BACH1: variants seen among roughly 807,000 people sequenced by gnomAD.
BACH1 encodes the protein BTB domain and CNC homolog 1, also known as transcription regulator protein BACH1.
Under a neutral mutation model 52.9 loss-of-function variants are expected in BACH1, and 35 were observed. That is an observed-to-expected ratio of 0.66 (90% CI 0.51 to 0.88). BACH1 has a LOEUF of 0.88. BACH1 is among the 40% of genes least tolerant of loss of function. The pLI is 0.00. For synonymous variants in BACH1, 321 were observed against 319.6 expected, an observed-to-expected ratio of 1.00 and a Z score of -0.05; for missense variants, 808 against 872.6, an observed-to-expected ratio of 0.93 and a Z score of 0.93.
rs766536082 is a variant in BACH1 at position 29,329,601 on chromosome 21, CGAA to C, written c.1692_1694del (p.Arg564del). 9.3e-6 allele frequency: 15 copies of C among 1,605,384 alleles called. No individual in the cohort carries two copies. Among genetic ancestry groups the C allele is most frequent in the South Asian group, 2.2e-5 (2 of 89,200 alleles). On this transcript the variant is annotated inframe_deletion, in exon 4 of 5. Transcript: ENST00000286800. Reference sequence around the variant, plus strand: ...ACAGCTGGATTGTATCCATGATATTCGAAGAAGAAGTAAAAACAGAATTGCTGC... The same window carrying C: ...ACAGCTGGATTGTATCCATGATATTCGAAGAAGTAAAAACAGAATTGCTGC...
chr21:29,327,204 C>T lies in BACH1; in HGVS notation c.1380C>T (p.Asn460=), dbSNP rs754634127. 1.9e-6 allele frequency: 3 copies of T among 1,614,224 alleles called. No individual in the cohort carries two copies. The South Asian group carries it at 3.3e-5, about 18-fold the overall frequency. Residue 460 remains asparagine (N), a synonymous_variant, in exon 3 of 5, where the codon AAC becomes AAT. Transcript: ENST00000286800. ...CTTTCACAACATTAAGTTCTGTCAA[C>T]TGCCCTTTTATAAGTACTCTGAGTA... ...QRTFTTLSSV[N]CPFISTLSTE... is the part of the protein sequence containing the mutation.
intron 2 of BACH1, among the ~76,000 whole-genome samples, chr21:29,360,129 C>T (rs768818879): frequency 1.3e-5 from 2 of 152,176 alleles, no homozygotes; most frequent in Non-Finnish European, 2.9e-5. Flanking sequence ...AACCAATGTA[C>T]CTCTTATGCA....
Position 29,326,104 on chromosome 21 carries a change from G to A in BACH1, c.280G>A (p.Ala94Thr). 1 of 1,613,934 alleles carries A rather than the reference G, an allele frequency of 6.2e-7. No homozygotes were observed. The highest frequency in any genetic ancestry group is 8.5e-7 in the Non-Finnish European group (1 of 1,179,936). ...FEPLIQFAYT[A>T]KLILSKENVD... is the part of the protein sequence containing the mutation. ...ACCTTTAATTCAGTTTGCCTACACTGCTAAACTGATTTTAAGTAAAGAGAA... is the reference window on the plus strand; with the variant it reads ...ACCTTTAATTCAGTTTGCCTACACTACTAAACTGATTTTAAGTAAAGAGAA... Residue 94 changes from alanine to threonine, a missense_variant, in exon 3 of 5, where the codon GCT (alanine) becomes ACT (threonine). Physicochemically the swap from Ala to Thr is moderately conservative, Grantham distance 58. Coordinates refer to ENST00000286800, the MANE Select transcript of BACH1 (RefSeq NM_001186.4).
At position 29,342,396 on chromosome 21, in the gene BACH1, C is replaced by G; in HGVS notation, c.1777-3C>G. ...CATTGTGTTCTCTTTCCCCACTTCA[C>G]AGCAAAGTGAAAAGGAGAGCTTGTT... On this transcript the variant is annotated splice_region_variant and splice_polypyrimidine_tract_variant and intron_variant, in intron 4 of 4. Transcript: ENST00000286800. 1 of 1,610,172 alleles carries G rather than the reference C, an allele frequency of 6.2e-7. No individual in the cohort carries two copies. The highest frequency in any genetic ancestry group is 8.5e-7 in the Non-Finnish European group (1 of 1,177,628).
chr21:29,300,371 C>G (rs1487035270), intron 1 of BACH1, among the ~76,000 whole-genome samples: 25 of 152,318 alleles, frequency 1.6e-4, no homozygotes, highest in Non-Finnish European at 2.9e-5. Flanking sequence ...TGCAAATACT[C>G]TCATCACATG....
At chr21:29,338,967 A>AT (rs898918754) in intron 4 of BACH1, among the ~76,000 whole-genome samples, 7 of 152,150 alleles carry the variant, frequency 4.6e-5, no homozygotes, top group African/African-American at 1.7e-4. Flanking sequence ...TATAGGAAAT[A>AT]TTTTTTCTTA....
chr21:29,306,441 T>TC (rs1376936016), intron 1 of BACH1, among the ~76,000 whole-genome samples: 1 of 151,868 alleles, frequency 6.6e-6, no homozygotes, highest in Non-Finnish European at 1.5e-5. Context: ...TGCTACCTTG[T>TC]CCCTCTCTCC....
downstream of BACH1, among the ~76,000 whole-genome samples, chr21:29,348,223 TAAGA>T (rs1298596400): frequency 2.0e-5 from 3 of 152,182 alleles, no homozygotes; most frequent in African/African-American, 7.2e-5. Flanking sequence ...GAGTTGTCTT[TAAGA>T]GAGTGGTTGT....
chr21:29,323,738 G>A (rs1213280710), intron 2 of BACH1, among the ~76,000 whole-genome samples: 1 of 152,162 alleles, frequency 6.6e-6, no homozygotes, highest in Non-Finnish European at 1.5e-5. Context: ...ATGTTTTCAT[G>A]TACAGATGTA....
At chr21:29,349,509 G>A (rs1479289308), downstream of BACH1, among the ~76,000 whole-genome samples, 1 of 152,154 alleles carries the variant, frequency 6.6e-6, no homozygotes, top group East Asian at 1.9e-4. Flanking sequence ...ACCGGCGGCT[G>A]CTGCCCACAT....
rs770327868 is a variant in BACH1, at chr21:29,351,584, G to A, written c.472+21891G>A. On this transcript the variant is annotated intron_variant, in intron 2 of 4. Transcript: ENST00000422809. ...TGAGCGTTTACTCTGGGCTTTAGAA[G>A]ACCTCATCTATTATGCTCAACATCT... is the stretch of plus-strand genomic sequence containing the variant. 5.6e-6 allele frequency: 3 copies of A among 533,870 alleles called. No homozygotes were observed. The Admixed American group carries it at 5.8e-5, about 10-fold the overall frequency. 33.1% of individuals were successfully genotyped at this position (533,870 alleles called of 1,614,324 possible).
rs946139890 is a variant in BACH1, at chr21:29,332,838, A to G, written c.1776+3145A>G. Among the ~76,000 whole-genome samples the G allele has an allele frequency of 3.9e-5, 6 of 152,346 alleles. No homozygotes were observed. In the South Asian group the frequency reaches 1.2e-3, roughly 32 times the overall value. ...GTATCCTCTTCTGTGACTAGCGAGC[A>G]AGAACAAAATAGAAGAGTCAAGACC... On this transcript the variant is annotated intron_variant, in intron 4 of 4. Coordinates refer to ENST00000286800, the MANE Select transcript of BACH1 (RefSeq NM_001186.4).
chr21:29,335,750 A>G (rs1263724221), intron 4 of BACH1, among the ~76,000 whole-genome samples: 1 of 151,964 alleles, frequency 6.6e-6, no homozygotes, highest in East Asian at 1.9e-4. Flanking sequence ...TTGCACCTCT[A>G]TCTCCGTCTA....
chr21:29,326,498 C>G lies in BACH1; in HGVS notation c.674C>G (p.Pro225Arg). 6.2e-7 allele frequency: 1 copy of G among 1,614,108 alleles called. No homozygotes were observed. The highest frequency in any genetic ancestry group is 8.5e-7 in the Non-Finnish European group (1 of 1,180,028). The change falls in exon 3 of 5, where the codon CCC (proline) becomes CGC (arginine). Residue 225 changes from proline (P) to arginine (R), a missense_variant. Physicochemically the swap from Pro to Arg is moderately radical, Grantham distance 103. Coordinates refer to ENST00000286800, the MANE Select transcript of BACH1 (RefSeq NM_001186.4). ...DAALALPSLC[P>R]KYRKFQKAFG... is the part of the protein sequence containing the mutation. ...GCTCTGGCCTTGCCTTCTTTATGCC[C>G]CAAATACAGAAAATTCCAAAAAGCA...
At chr21:29,348,230 G>A (rs2089181640), downstream of BACH1, among the ~76,000 whole-genome samples, 1 of 152,166 alleles carries the variant, frequency 6.6e-6, no homozygotes, top group Non-Finnish European at 1.5e-5. Flanking sequence ...CTTTAAGAGA[G>A]TGGTTGTTCC....
chr21:29,321,332 A>G lies in BACH1; in HGVS notation c.52A>G (p.Thr18Ala). The G allele has an allele frequency of 6.2e-7, 1 of 1,614,210 alleles. No homozygotes were observed. The highest frequency in any genetic ancestry group is 8.5e-7 in the Non-Finnish European group (1 of 1,180,038). ...VFAYESSVHS[T>A]NVLLSLNDQR... ...TGCCTATGAATCTTCTGTGCATAGC[A>G]CCAATGTTTTACTCAGCCTTAATGA... Residue 18 changes from threonine (T) to alanine (A), a missense_variant, in exon 2 of 5, where the codon ACC (threonine) becomes GCC (alanine). Transcript: ENST00000286800.
At chr21:29,322,701 C>G (rs2088863015) in intron 2 of BACH1, among the ~76,000 whole-genome samples, 1 of 152,176 alleles carries the variant, frequency 6.6e-6, no homozygotes, top group South Asian at 2.1e-4. Context: ...AAACTGTAAA[C>G]TAAGTCTACA....
chr21:29,324,555 CTTGTGTGTGTGTGTGTGT>C (rs944360998), intron 2 of BACH1, among the ~76,000 whole-genome samples: 1 of 90,964 alleles, frequency 1.1e-5, no homozygotes, highest in African/African-American at 3.9e-5. Flanking sequence ...ATGGATGTAC[CTTGTGTGTGTGTGTGTGT>C]GTGTGTGTGT....
At chr21:29,338,479 A>C (rs919195321) in intron 4 of BACH1, among the ~76,000 whole-genome samples, 1 of 151,976 alleles carries the variant, frequency 6.6e-6, no homozygotes, top group Admixed American at 6.6e-5. Context: ...GATCAAGCAA[A>C]TCCTCTCATA....
Sources: gnomAD v4.1 joint callset for allele counts (sites outside exome capture counted in the v4.1 genomes callset) on GRCh38, gnomAD v4.1.1 for gene constraint, MANE v1.5 for transcripts, NCBI Gene and HGNC (gene_info 2026-07-23, HGNC 2026-07-21) for gene names.